The following EYA1 variants were observed in gnomAD, a reference collection of about 807,000 sequenced individuals.
EYA1 encodes protein phosphatase EYA1.
EYA1 carries 16 observed loss-of-function variants against 82.0 expected under a neutral mutation model. The ratio of observed to expected loss-of-function variants is 0.20; its 90% CI spans 0.13 to 0.30. The LOEUF (loss-of-function observed/expected upper bound fraction) is 0.30, where lower values mean the gene tolerates loss of function less well. EYA1 is among the 10% of genes least tolerant of loss of function. The probability of loss-of-function intolerance (pLI) is 1.00; values close to 1 mark genes in which losing one functional copy is unlikely to be tolerated. For synonymous variants in EYA1, 261 were observed against 264.4 expected, an observed-to-expected ratio of 0.99 and a Z score of 0.12; for missense variants, 633 against 730.7, an observed-to-expected ratio of 0.87 and a Z score of 1.54.
chr8:71,238,607 C>A (rs184303964), intron 12 of EYA1, among the ~76,000 whole-genome samples: 1 of 151,800 alleles, frequency 6.6e-6, no homozygotes, highest in African/African-American at 2.4e-5. Context: ...TAGTAACTAC[C>A]GCTATTTTAA....
At chr8:71,258,404 C>T (rs1217784499) in intron 11 of EYA1, among the ~76,000 whole-genome samples, 2 of 152,130 alleles carry the variant, frequency 1.3e-5, no homozygotes. Flanking sequence ...TTTGGTGGTA[C>T]AATTTTCTGA....
intron 2 of EYA1, among the ~76,000 whole-genome samples, chr8:71,476,475 T>C (rs1197275518): frequency 6.6e-6 from 1 of 152,030 alleles, no homozygotes; most frequent in Non-Finnish European, 1.5e-5. Context: ...ATTTAAAAAA[T>C]TACTGATAAG....
Position 71,238,492 on chromosome 8 carries a change from A to ATC in EYA1, c.1140+6109_1140+6110dup, listed in dbSNP as rs1050419915. On this transcript the variant is annotated intron_variant, in intron 12 of 17. Transcript: ENST00000340726. ...CTCATTTATTGAAACCTTCCTTTAT[A>ATC]TCTCTCAGTAAGATGTCACAGGTTT... is the stretch of plus-strand genomic sequence containing the variant. Among the ~76,000 whole-genome samples, 540 of 152,202 alleles carry ATC rather than the reference A, an allele frequency of 3.5e-3. 5 individuals carry two copies. The highest frequency in any genetic ancestry group is 0.013 in the African/African-American group (523 of 41,556).
chr8:71,379,269 C>T (rs2129098158), intron 2 of EYA1, among the ~76,000 whole-genome samples: 2 of 152,194 alleles, frequency 1.3e-5, no homozygotes, highest in East Asian at 3.9e-4. Flanking sequence ...CATACTCCTA[C>T]CCAGGTTTCA....
At chr8:71,514,373 G>C (rs917169511) in intron 2 of EYA1, among the ~76,000 whole-genome samples, 1 of 151,914 alleles carries the variant, frequency 6.6e-6, no homozygotes, top group East Asian at 1.9e-4. Context: ...TTAATGATAT[G>C]ATCTAACTTT....
At position 71,334,178 on chromosome 8, in the gene EYA1, C is replaced by G; in HGVS notation, c.125-4G>C. On this transcript the variant is annotated splice_polypyrimidine_tract_variant and splice_region_variant and intron_variant, in intron 3 of 17. Coordinates refer to ENST00000340726, the MANE Select transcript of EYA1 (RefSeq NM_000503.6). ...CTGCTCATTGGCTCTGTTTTAACTA[C>G]AAAAATAAACAACATACATCGATAT... 6.2e-7 allele frequency: 1 copy of G among 1,600,936 alleles called. No individual in the cohort carries two copies. The highest frequency in any genetic ancestry group is 8.6e-7 in the Non-Finnish European group (1 of 1,168,308).
chr8:71,268,345 A>T (rs1399769722), intron 11 of EYA1, among the ~76,000 whole-genome samples: 1 of 152,202 alleles, frequency 6.6e-6, no homozygotes, highest in Non-Finnish European at 1.5e-5. Flanking sequence ...TGGATCAGTT[A>T]AGGAGATCTT....
At chr8:71,364,305 C>T (rs947404567), upstream of EYA1, among the ~76,000 whole-genome samples, 6 of 151,818 alleles carry the variant, frequency 4.0e-5, no homozygotes, top group Admixed American at 3.9e-4. Context: ...CACGTTTACC[C>T]ATAAATTGTG....
At chr8:71,380,437 G>C (rs1301934117) in intron 2 of EYA1, among the ~76,000 whole-genome samples, 1 of 152,122 alleles carries the variant, frequency 6.6e-6, no homozygotes, top group Non-Finnish European at 1.5e-5. Flanking sequence ...ACCTGGGTAT[G>C]TCTGACTTTC....
intron 7 of EYA1, among the ~76,000 whole-genome samples, chr8:71,309,022 C>T (rs936375391): frequency 2.6e-5 from 4 of 152,170 alleles, no homozygotes; most frequent in African/African-American, 7.2e-5. Flanking sequence ...GAAAAGCTTT[C>T]GAAGGCCAGA....
chr8:71,269,921 T>C lies in EYA1; in HGVS notation c.967-98A>G, dbSNP rs951253225. 5 of 881,720 alleles carry C rather than the reference T, an allele frequency of 5.7e-6. No individual in the cohort carries two copies. The Admixed American group carries it at 7.2e-5, about 13-fold the overall frequency. The allele number at this position is 881,720 out of a possible 1,614,324, so 54.6% of individuals were successfully genotyped here. On this transcript the variant is annotated intron_variant, in intron 10 of 17. Coordinates refer to ENST00000340726, the MANE Select transcript of EYA1 (RefSeq NM_000503.6). ...GAAAAAGTCATCTTGAAACGGAAGA[T>C]GAATGAAAAATCTGAATTTATTATT... is the stretch of plus-strand genomic sequence containing the variant.
intron 9 of EYA1, among the ~76,000 whole-genome samples, chr8:71,296,897 A>G (rs956917027): frequency 6.6e-6 from 1 of 152,084 alleles, no homozygotes; most frequent in Non-Finnish European, 1.5e-5. Context: ...TCACAAATTA[A>G]AGAATGAAAA....
intron 4 of EYA1, among the ~76,000 whole-genome samples, chr8:71,327,577 T>C (rs767467075): frequency 6.6e-6 from 1 of 152,196 alleles, no homozygotes; most frequent in South Asian, 2.1e-4. Flanking sequence ...GAAACCATGA[T>C]AAACAATGCT....
chr8:71,536,183 T>C (rs1418211929), intron 1 of EYA1, among the ~76,000 whole-genome samples: 2 of 152,134 alleles, frequency 1.3e-5, no homozygotes, highest in African/African-American at 4.8e-5. Flanking sequence ...TTTCTTCTCT[T>C]CTTTTTTTTT....
At chr8:71,298,591 C>T (rs562668446) in intron 9 of EYA1, among the ~76,000 whole-genome samples, 3 of 152,164 alleles carry the variant, frequency 2.0e-5, no homozygotes, top group African/African-American at 7.2e-5. Context: ...CACAGCAGGC[C>T]ACATGTGGGA....
At chr8:71,467,315 G>A (rs902223479) in intron 2 of EYA1, among the ~76,000 whole-genome samples, 6 of 151,964 alleles carry the variant, frequency 3.9e-5, no homozygotes, top group Non-Finnish European at 7.4e-5. Context: ...CTAATGGATC[G>A]GGCATTGGAG....
intron 2 of EYA1, among the ~76,000 whole-genome samples, chr8:71,418,846 C>T (rs1830996185): frequency 1.3e-5 from 2 of 152,012 alleles, no homozygotes; most frequent in South Asian, 4.1e-4. Flanking sequence ...ACACAGAGCA[C>T]TCAGAGGAGG....
chr8:71,260,049 C>G (rs905299924), intron 11 of EYA1, among the ~76,000 whole-genome samples: 1 of 152,094 alleles, frequency 6.6e-6, no homozygotes, highest in African/African-American at 2.4e-5. Context: ...CTCTTTATTG[C>G]TAGATACACC....
intron 9 of EYA1, 66 bp from the exon 10 acceptor site, chr8:71,271,963 T>C: frequency 1.3e-6 from 2 of 1,575,254 alleles, no homozygotes; most frequent in Non-Finnish European, 1.7e-6. Context: ...ATTAGCCTTG[T>C]TTTAATTCAC....
Sources: allele counts gnomAD v4.1 joint callset (sites outside exome capture counted in the v4.1 genomes callset), GRCh38; gene constraint gnomAD v4.1.1; transcripts MANE v1.5; gene names NCBI Gene and HGNC (gene_info 2026-07-23, HGNC 2026-07-21).